JAKMIP2: variants seen among roughly 807,000 people sequenced by gnomAD.
JAKMIP2 encodes janus kinase and microtubule interacting protein 2, also known as janus kinase and microtubule-interacting protein 2.
JAKMIP2 carries 25 observed loss-of-function variants against 115.0 expected under a neutral mutation model. The observed-to-expected ratio is 0.22, with a 90% CI of 0.16 to 0.30. The LOEUF (loss-of-function observed/expected upper bound fraction) is 0.30, where lower values mean the gene tolerates loss of function less well. JAKMIP2 is among the 10% of genes least tolerant of loss of function. The probability of loss-of-function intolerance (pLI) is 1.00; values close to 1 mark genes in which losing one functional copy is unlikely to be tolerated. For synonymous variants in JAKMIP2, 334 were observed against 343.6 expected, an observed-to-expected ratio of 0.97 and a Z score of 0.31; for missense variants, 642 against 957.6, an observed-to-expected ratio of 0.67 and a Z score of 4.35.
chr5:147,702,664 G>GAAAGAA (rs751253168), intron 1 of JAKMIP2, among the ~76,000 whole-genome samples: 37 of 101,100 alleles, frequency 3.7e-4, no homozygotes, highest in African/African-American at 1.3e-3. Flanking sequence ...AAGAAAGAAA[G>GAAAGAA]AGAGAGAAAG....
At chr5:147,669,980 C>T (rs1759497934) in intron 2 of JAKMIP2, among the ~76,000 whole-genome samples, 1 of 152,204 alleles carries the variant, frequency 6.6e-6, no homozygotes. Context: ...CAGATTCAGT[C>T]ATCTGAATTA....
intron 1 of JAKMIP2, among the ~76,000 whole-genome samples, chr5:147,750,403 G>T (rs1039438753): frequency 2.6e-5 from 4 of 152,022 alleles, no homozygotes; most frequent in African/African-American, 9.7e-5. Context: ...CCAGTCTCAT[G>T]GAGAGATCAC....
intron 2 of JAKMIP2, among the ~76,000 whole-genome samples, chr5:147,666,085 A>G (rs1385240242): frequency 6.6e-6 from 1 of 152,160 alleles, no homozygotes; most frequent in Admixed American, 6.5e-5. Context: ...ACATGTTTTT[A>G]TGTTTACTTA....
At chr5:147,755,675 G>C (rs778997186) in intron 1 of JAKMIP2, among the ~76,000 whole-genome samples, 1 of 152,050 alleles carries the variant, frequency 6.6e-6, no homozygotes, top group South Asian at 2.1e-4. Context: ...ATAGGATCTC[G>C]TTATGTTGCC....
At chr5:147,627,147 A>G (rs1757132347) in intron 16 of JAKMIP2, among the ~76,000 whole-genome samples, 1 of 152,144 alleles carries the variant, frequency 6.6e-6, no homozygotes, top group African/African-American at 2.4e-5. Flanking sequence ...GTCTAGTGGT[A>G]GTTAGATGGG....
At chr5:147,620,947 G>A (rs1334111255) in intron 17 of JAKMIP2, among the ~76,000 whole-genome samples, 1 of 152,146 alleles carries the variant, frequency 6.6e-6, no homozygotes, top group Non-Finnish European at 1.5e-5. Flanking sequence ...CAGCATAAAA[G>A]ATATAATGAA....
intron 2 of JAKMIP2, among the ~76,000 whole-genome samples, chr5:147,669,995 T>C (rs1292333668): frequency 6.6e-6 from 1 of 152,204 alleles, no homozygotes; most frequent in Non-Finnish European, 1.5e-5. Context: ...GAATTACAGA[T>C]AGAGACACTG....
At chr5:147,647,470 T>TA (rs921909477) in intron 5 of JAKMIP2, among the ~76,000 whole-genome samples, 28 of 151,772 alleles carry the variant, frequency 1.8e-4, no homozygotes, top group African/African-American at 4.6e-4. Flanking sequence ...CAAGTGATGA[T>TA]AAAAAAAATC....
chr5:147,599,853 A>G (rs991848097), intron 21 of JAKMIP2, among the ~76,000 whole-genome samples: 1 of 152,152 alleles, frequency 6.6e-6, no homozygotes, highest in Non-Finnish European at 1.5e-5. Flanking sequence ...TCCAACTACA[A>G]ATTAGGGATA....
chr5:147,648,077 C>CA (rs1304425901), intron 5 of JAKMIP2, among the ~76,000 whole-genome samples: 3 of 151,884 alleles, frequency 2.0e-5, no homozygotes, highest in South Asian at 2.1e-4. Context: ...ATTTCATTTA[C>CA]AAAAAAATGT....
chr5:147,754,349 C>T (rs534103462), intron 1 of JAKMIP2, among the ~76,000 whole-genome samples: 53 of 152,186 alleles, frequency 3.5e-4, no homozygotes, highest in African/African-American at 1.3e-3. Flanking sequence ...AACAAATAAG[C>T]CATTGCCTCT....
chr5:147,669,410 C>T (rs1281293154), intron 2 of JAKMIP2, among the ~76,000 whole-genome samples: 1 of 152,152 alleles, frequency 6.6e-6, no homozygotes, highest in African/African-American at 2.4e-5. Context: ...GGAGATTATG[C>T]TTGGCCTGCG....
At chr5:147,764,951 AGAGAGAGAGAGAGAGGGG>A (rs1755085039) in intron 1 of JAKMIP2, among the ~76,000 whole-genome samples, 6 of 76,956 alleles carry the variant, frequency 7.8e-5, no homozygotes, top group Admixed American at 1.5e-4. Context: ...AGAGAGGGAG[AGAGAGAGAGAGAGAGGGG>A]GAGAGAGAGA....
intron 1 of JAKMIP2, among the ~76,000 whole-genome samples, chr5:147,708,594 TTC>T (rs1348086989): frequency 6.6e-6 from 1 of 152,210 alleles, no homozygotes; most frequent in East Asian, 1.9e-4. Flanking sequence ...CAGTTTTAAC[TTC>T]TGTTTATTCA....
intron 1 of JAKMIP2, among the ~76,000 whole-genome samples, chr5:147,714,917 G>C (rs1406583944): frequency 2.0e-5 from 3 of 152,028 alleles, no homozygotes; most frequent in Non-Finnish European, 4.4e-5. Flanking sequence ...AAAGGGAAAT[G>C]ATACAGAAAA....
chr5:147,595,374 G>A (rs1755315420), intron 21 of JAKMIP2: 4 of 452,632 alleles, frequency 8.8e-6, no homozygotes, highest in South Asian at 1.6e-5. Flanking sequence ...GAGCTGGAGA[G>A]AACTAACTTA....
intron 1 of JAKMIP2, among the ~76,000 whole-genome samples, chr5:147,677,242 C>G (rs556596930): frequency 6.6e-6 from 1 of 152,300 alleles, no homozygotes; most frequent in Admixed American, 6.5e-5. Flanking sequence ...GCTCACGACG[C>G]AAGAACTAAC....
chr5:147,636,100 G>C (rs1452981487), intron 12 of JAKMIP2, 122 bp downstream of exon 12: 3 of 712,962 alleles, frequency 4.2e-6, no homozygotes, highest in Non-Finnish European at 7.3e-6. Flanking sequence ...CGAGGACAGA[G>C]CAGTGCCGGA....
intron 1 of JAKMIP2, among the ~76,000 whole-genome samples, chr5:147,765,141 G>A (rs1168417550): frequency 6.6e-6 from 1 of 151,760 alleles, no homozygotes; most frequent in Admixed American, 6.6e-5. Context: ...GAATGACCAA[G>A]GAGGATTACG....
Sources: allele counts gnomAD v4.1 joint callset (sites outside exome capture counted in the v4.1 genomes callset), GRCh38; gene constraint gnomAD v4.1.1; transcripts MANE v1.5; gene names NCBI Gene and HGNC (gene_info 2026-07-23, HGNC 2026-07-21).